The following ACSS2 variants were observed in gnomAD, a reference collection of about 807,000 sequenced individuals.
ACSS2 encodes the protein acyl-CoA synthetase short chain family member 2, also known as acetyl-coenzyme A synthetase, cytoplasmic.
In ACSS2, 58 loss-of-function variants were observed where a neutral mutation model predicts 90.6. That is an observed-to-expected ratio of 0.64 (90% CI 0.52 to 0.80). ACSS2 has a LOEUF of 0.80. Among genes scored for constraint, ACSS2 ranks in the 30% least tolerant of loss-of-function variants. The probability of loss-of-function intolerance (pLI) is 0.00; values close to 1 mark genes in which losing one functional copy is unlikely to be tolerated. For synonymous variants in ACSS2, 300 were observed against 330.9 expected (o/e 0.91, Z 1.01); for missense variants, 759 against 912.0 (o/e 0.83, Z 2.16).
At chr20:34,886,268 G>A (rs752124289) in intron 2 of ACSS2, among the ~76,000 whole-genome samples, 2 of 151,976 alleles carry the variant, frequency 1.3e-5, no homozygotes, top group Non-Finnish European at 2.9e-5. Flanking sequence ...CATAAGAATA[G>A]CATACTGTGG....
chr20:34,880,564 G>T (rs1264582497), intron 1 of ACSS2, among the ~76,000 whole-genome samples: 1 of 150,636 alleles, frequency 6.6e-6, no homozygotes, highest in Non-Finnish European at 1.5e-5. Flanking sequence ...AATAATAATA[G>T]AAATTAAAAA....
At chr20:34,898,056 C>T (rs1224165296) in intron 2 of ACSS2, among the ~76,000 whole-genome samples, 1 of 152,156 alleles carries the variant, frequency 6.6e-6, no homozygotes, top group East Asian at 1.9e-4. Flanking sequence ...TTCGGAGTTT[C>T]TTCCTTCTGG....
intron 2 of ACSS2, among the ~76,000 whole-genome samples, chr20:34,889,050 G>A (rs984669880): frequency 2.6e-5 from 4 of 151,350 alleles, no homozygotes; most frequent in Admixed American, 6.6e-5. Context: ...TGTTGCCCAG[G>A]CTGGAATGCA....
Position 34,923,451 on chromosome 20 carries a change from C to G in ACSS2, c.1657+20C>G, listed in dbSNP as rs1364897095. The G allele has an allele frequency of 7.1e-6, 11 of 1,554,902 alleles. No individual in the cohort carries two copies. Among genetic ancestry groups the G allele is most frequent in the South Asian group, 2.2e-5 (2 of 89,516 alleles). ...GAGATGGTGAGCCTTAGCTATCCCCCTCTTGCACCTCCCACTAAGACATGT... is the reference window on the plus strand; with the variant it reads ...GAGATGGTGAGCCTTAGCTATCCCCGTCTTGCACCTCCCACTAAGACATGT... On this transcript the variant is annotated intron_variant, in intron 14 of 17. Coordinates refer to ENST00000360596, the MANE Select transcript of ACSS2 (RefSeq NM_018677.4).
At chr20:34,900,055 C>T (rs573468839) in intron 2 of ACSS2, among the ~76,000 whole-genome samples, 7 of 152,080 alleles carry the variant, frequency 4.6e-5, no homozygotes, top group Non-Finnish European at 8.8e-5. Context: ...AATTTCTGCA[C>T]ATGCTTGTCA....
At chr20:34,887,726 A>C (rs2080233086) in intron 2 of ACSS2, among the ~76,000 whole-genome samples, 1 of 149,970 alleles carries the variant, frequency 6.7e-6, no homozygotes, top group African/African-American at 2.5e-5. Context: ...GGGCGACAAG[A>C]GCGAAACTCC....
chr20:34,899,493 T>G (rs994376535), intron 2 of ACSS2, among the ~76,000 whole-genome samples: 2 of 145,996 alleles, frequency 1.4e-5, no homozygotes, highest in African/African-American at 5.1e-5. Context: ...TTTCTTTCTT[T>G]TTTGTTTTTT....
intron 2 of ACSS2, among the ~76,000 whole-genome samples, chr20:34,888,671 C>G (rs8116657): frequency 0.66 from 100,996 of 152,044 alleles, 35,058 homozygotes; most frequent in African/African-American, 0.86. Flanking sequence ...AGAGCAGAGT[C>G]AGGGGAAAGG....
At chr20:34,887,870 A>C (rs1374254978) in intron 2 of ACSS2, among the ~76,000 whole-genome samples, 3 of 152,244 alleles carry the variant, frequency 2.0e-5, no homozygotes, top group East Asian at 3.9e-4. Context: ...CAGGAGTTCA[A>C]GATCAGCCTG....
intron 2 of ACSS2, among the ~76,000 whole-genome samples, chr20:34,900,744 G>T (rs1487823073): frequency 6.6e-6 from 1 of 152,132 alleles, no homozygotes; most frequent in Admixed American, 6.6e-5. Context: ...GTTTTCAAAA[G>T]GAACTTTTTC....
chr20:34,881,295 C>G (rs1309074774), intron 1 of ACSS2, among the ~76,000 whole-genome samples: 1 of 151,786 alleles, frequency 6.6e-6, no homozygotes, highest in East Asian at 1.9e-4. Flanking sequence ...CCTTGGCCTC[C>G]CAAAGTGCTA....
intron 2 of ACSS2, among the ~76,000 whole-genome samples, chr20:34,898,785 C>T (rs1246180184): frequency 6.6e-6 from 1 of 152,204 alleles, no homozygotes; most frequent in African/African-American, 2.4e-5. Context: ...GCCTGCCAGT[C>T]CTGCGCCGTG....
chr20:34,909,007 G>T, intron 2 of ACSS2: 1 of 417,868 alleles, frequency 2.4e-6, no homozygotes, highest in Admixed American at 3.1e-5. Flanking sequence ...ATAAATTACA[G>T]TACATACAAA....
intron 2 of ACSS2, among the ~76,000 whole-genome samples, chr20:34,907,074 GAGAT>G (rs1290315041): frequency 6.7e-6 from 1 of 149,432 alleles, no homozygotes; most frequent in Non-Finnish European, 1.5e-5. Flanking sequence ...TAACATACAT[GAGAT>G]AATTTCAAAT....
chr20:34,927,078 G>A lies in ACSS2; in HGVS notation c.1979-9G>A. On this transcript the variant is annotated splice_polypyrimidine_tract_variant and intron_variant, in intron 17 of 17. Transcript: ENST00000360596. The surrounding 1 kb of genome is among the most constrained non-coding windows in gnomAD (Gnocchi z 4.2). Reference sequence around the variant, plus strand: ...TTCACCAAGTAACTAGAGGTCTGTGGTTCCCCAGGGAAAATCATGAGGCGA... The same window carrying A: ...TTCACCAAGTAACTAGAGGTCTGTGATTCCCCAGGGAAAATCATGAGGCGA... 6.2e-7 allele frequency: 1 copy of A among 1,614,132 alleles called. No individual in the cohort carries two copies.
intron 14 of ACSS2, among the ~76,000 whole-genome samples, 199 bp from the exon 15 acceptor site, chr20:34,925,499 A>G (rs1436212032): frequency 6.6e-6 from 1 of 152,124 alleles, no homozygotes; most frequent in African/African-American, 2.4e-5. Context: ...TAGTACAATG[A>G]GAAAGAGGAC....
intron 1 of ACSS2, among the ~76,000 whole-genome samples, chr20:34,878,981 T>A (rs1432700437): frequency 6.8e-6 from 1 of 147,298 alleles, no homozygotes; most frequent in African/African-American, 2.5e-5. Context: ...CTCGGCTCAC[T>A]GCAAGCTCCG....
chr20:34,921,745 C>T (rs747250742), intron 12 of ACSS2, 41 bp from the exon 13 acceptor site: 5 of 1,611,522 alleles, frequency 3.1e-6, no homozygotes, highest in Admixed American at 3.3e-5. Flanking sequence ...TCAGAGTTGC[C>T]TCATTCCTCT....
intron 2 of ACSS2, among the ~76,000 whole-genome samples, chr20:34,900,124 C>A (rs1294042174): frequency 1.4e-5 from 2 of 144,014 alleles, no homozygotes; most frequent in Admixed American, 7.0e-5. Flanking sequence ...GAAGTGGGAT[C>A]TGATTGTTAT....
Sources: gnomAD v4.1 joint callset for allele counts (sites outside exome capture counted in the v4.1 genomes callset) on GRCh38, gnomAD v4.1.1 for gene constraint, Gnocchi (gnomAD v3.1) non-coding constraint, MANE v1.5 for transcripts, NCBI Gene and HGNC (gene_info 2026-07-23, HGNC 2026-07-21) for gene names.